The following AIRE variants were observed in gnomAD, a reference collection of about 807,000 sequenced individuals.
The protein encoded by AIRE is autoimmune regulator.
AIRE carries 52 observed loss-of-function variants against 62.1 expected under a neutral mutation model. The observed-to-expected ratio is 0.84, with a 90% CI of 0.67 to 1.06. The LOEUF (loss-of-function observed/expected upper bound fraction) is 1.06. AIRE is among the 50% of genes least tolerant of loss of function. The pLI is 0.00. For synonymous variants in AIRE, 342 were observed against 321.6 expected (o/e 1.06, Z -0.68); for missense variants, 774 against 755.8 (o/e 1.02, Z -0.28).
In AIRE at chr21:44,297,767, C is replaced by T. The variant is rs1373045148; in HGVS notation, c.*40C>T. On this transcript the variant is annotated 3_prime_UTR_variant, in exon 14 of 14. Coordinates refer to ENST00000291582, the MANE Select transcript of AIRE (RefSeq NM_000383.4). The surrounding 1 kb of genome is among the most constrained non-coding windows in gnomAD (Gnocchi z 4.8). ...GACATGCAGCTCTGATGAGAGAGTGCTGAGAAGGACACCTCCTTCCTCAGT... is the reference window on the plus strand; with the variant it reads ...GACATGCAGCTCTGATGAGAGAGTGTTGAGAAGGACACCTCCTTCCTCAGT... 2 of 1,565,956 alleles carry T rather than the reference C, an allele frequency of 1.3e-6. No individual in the cohort carries two copies. Among genetic ancestry groups the T allele is most frequent in the African/African-American group, 1.4e-5 (1 of 73,874 alleles).
chr21:44,298,042 G>T lies in AIRE; in HGVS notation c.*315G>T. 2.6e-6 allele frequency: 1 copy of T among 389,012 alleles called. No homozygotes were observed. The highest frequency in any genetic ancestry group is 2.3e-5 in the South Asian group (1 of 43,126). 24.1% of individuals were successfully genotyped at this position (389,012 alleles called of 1,614,324 possible). The stretch of plus-strand genomic sequence containing the variant: ...AGCTACATGGGAGCCTGAGGCATGA[G>T]AATCACTTGAACTCGGGAGGTGGAG... On this transcript the variant is annotated 3_prime_UTR_variant, in exon 14 of 14. Coordinates refer to ENST00000291582, the MANE Select transcript of AIRE (RefSeq NM_000383.4).
At position 44,289,990 on chromosome 21, in the gene AIRE, T is replaced by C. The variant is rs764002506; in HGVS notation, c.801T>C (p.Gly267=). The change falls in exon 7 of 14, where the codon GGT becomes GGC. Residue 267 remains glycine, a splice_region_variant and synonymous_variant. Transcript: ENST00000291582. The part of the protein sequence containing the change: ...RAKGAQGAAP[G]GGEARLGQQG... Reference sequence around the variant, plus strand: ...GCTGACGCCCCTCTTCCTTGCAGGGTGGAGGTGAGGCTAGGCTGGGCCAGC... The same window carrying C: ...GCTGACGCCCCTCTTCCTTGCAGGGCGGAGGTGAGGCTAGGCTGGGCCAGC... 1 of 1,610,414 alleles carries C rather than the reference T, an allele frequency of 6.2e-7. No homozygotes were observed. Among genetic ancestry groups the C allele is most frequent in the Non-Finnish European group, 8.5e-7 (1 of 1,179,036 alleles).
rs896637812 is a variant in AIRE at position 44,296,554 on chromosome 21, A to G, written c.1566+109A>G. The stretch of plus-strand genomic sequence containing the variant: ...GGACTGCCGGCCCCCACTGCTCTTG[A>G]GCCGTGGAAACTCAGGCTGTCCCTG... On this transcript the variant is annotated intron_variant, in intron 13 of 13. Coordinates refer to ENST00000291582, the MANE Select transcript of AIRE (RefSeq NM_000383.4). 6 of 1,097,566 alleles carry G rather than the reference A, an allele frequency of 5.5e-6. No individual in the cohort carries two copies. The Admixed American group carries it at 1.1e-4, about 20-fold the overall frequency. 68.0% of individuals were successfully genotyped at this position (1,097,566 alleles called of 1,614,324 possible).
At chr21:44,290,942 A>G (rs934466755) in intron 7 of AIRE, 153 bp from the exon 8 acceptor site, 1 of 1,612,028 alleles carries the variant, frequency 6.2e-7, no homozygotes, top group Non-Finnish European at 8.5e-7. Context: ...TCAGGGCAGA[A>G]TTTCAGGCCC....
intron 5 of AIRE, 175 bp from the exon 6 acceptor site, chr21:44,289,482 G>A (rs1238032980): frequency 2.6e-6 from 2 of 780,288 alleles, no homozygotes; most frequent in East Asian, 2.7e-5. Flanking sequence ...ACACCCTGGT[G>A]TAGATCCAGG....
Position 44,293,993 on chromosome 21 carries a change from A to C in AIRE, c.1400+83A>C, listed in dbSNP as rs115787564. On this transcript the variant is annotated intron_variant, in intron 11 of 13. Transcript: ENST00000291582. ...CCCACACTCCCCACCCACATCATAC[A>C]GCCCACAACCACACCCCACCCACAC... 3,267 of 1,399,434 alleles carry C rather than the reference A, an allele frequency of 2.3e-3. 83 individuals are homozygous for C. The African/African-American group carries it at 0.055, about 23-fold the overall frequency. The allele number at this position is 1,399,434 out of a possible 1,614,324, so 86.7% of individuals were successfully genotyped here.
chr21:44,294,223 C>T, intron 11 of AIRE, 178 bp from the exon 12 acceptor site: 1 of 549,912 alleles, frequency 1.8e-6, no homozygotes, highest in South Asian at 2.0e-5. Context: ...CACCCTACAC[C>T]CAACCCAAAC....
At position 44,286,229 on chromosome 21, in the gene AIRE, A is replaced by T. The variant is rs539135744; in HGVS notation, c.132+91A>T. 614 of 1,338,984 alleles carry T rather than the reference A, an allele frequency of 4.6e-4. 4 individuals carry two copies. The African/African-American group carries it at 8.0e-3, about 17-fold the overall frequency. 82.9% of individuals were successfully genotyped at this position (1,338,984 alleles called of 1,614,324 possible). A position where few individuals can be genotyped will look rare whatever the true frequency, so the allele number is the denominator to read the frequency against. On this transcript the variant is annotated intron_variant, in intron 1 of 13. Transcript: ENST00000291582. This position sits in a 1 kb window ranked among gnomAD's most constrained non-coding sequence, Gnocchi z 6.0. ...TTCCAGGAGGACCCCGCCCCTCCAG[A>T]TCCCCAAGCCCCTCCAGCCTTCCCC...
rs920513420 is a variant in AIRE at position 44,298,313 on chromosome 21, T to C, written c.*586T>C. 1.2e-5 allele frequency: 2 copies of C among 173,652 alleles called. No individual in the cohort carries two copies. The highest frequency in any genetic ancestry group is 4.8e-5 in the African/African-American group (2 of 41,720). 10.8% of individuals were successfully genotyped at this position (173,652 alleles called of 1,614,324 possible). On this transcript the variant is annotated 3_prime_UTR_variant, in exon 14 of 14. Coordinates refer to ENST00000291582, the MANE Select transcript of AIRE (RefSeq NM_000383.4). ...CACTCCCCATTCCCCTCCCAACCCCTGGCACCCTCCACTCTACTTTCTGTC... is the reference window on the plus strand; with the variant it reads ...CACTCCCCATTCCCCTCCCAACCCCCGGCACCCTCCACTCTACTTTCTGTC...
At chr21:44,289,866 G>T in intron 6 of AIRE, 64 bp downstream of exon 6, 4 of 1,610,108 alleles carry the variant, frequency 2.5e-6, no homozygotes, top group Non-Finnish European at 3.4e-6. Flanking sequence ...GAACAGCGTT[G>T]CCTCTGGGGG....
At chr21:44,288,312 A>G (rs775701048) in intron 4 of AIRE, 33 bp from the exon 5 acceptor site, 1 of 1,499,326 alleles carries the variant, frequency 6.7e-7, no homozygotes, top group South Asian at 1.1e-5. Context: ...AGTCTTCCCC[A>G]CGGGTGACCC....
chr21:44,296,336 C>T (rs748154226), intron 12 of AIRE, 47 bp from the exon 13 acceptor site: 25 of 1,544,740 alleles, frequency 1.6e-5, no homozygotes, highest in South Asian at 1.3e-4. Flanking sequence ...GTACCCCCAC[C>T]AGGGCTGTGG....
rs1427275896 is a variant in AIRE at position 44,297,878 on chromosome 21, G to T, written c.*151G>T. 6.7e-6 allele frequency: 5 copies of T among 743,938 alleles called. No individual in the cohort carries two copies. In the East Asian group the frequency reaches 1.4e-4, roughly 20 times the overall value. The allele number at this position is 743,938 out of a possible 1,614,324, so 46.1% of individuals were successfully genotyped here. A position where few individuals can be genotyped will look rare whatever the true frequency, so the allele number is the denominator to read the frequency against. On this transcript the variant is annotated 3_prime_UTR_variant, in exon 14 of 14. Transcript: ENST00000291582. The surrounding 1 kb of genome is among the most constrained non-coding windows in gnomAD (Gnocchi z 4.8). ...CTGTAAACAGCTCTGTGTTTCTGGGGACACCAGCCATCATGTGCCTGGAAA... is the reference window on the plus strand; with the variant it reads ...CTGTAAACAGCTCTGTGTTTCTGGGTACACCAGCCATCATGTGCCTGGAAA...
At chr21:44,289,958 C>T in intron 6 of AIRE, 30 bp from the exon 7 acceptor site, 1 of 1,606,416 alleles carries the variant, frequency 6.2e-7, no homozygotes, top group African/African-American at 1.3e-5. Flanking sequence ...CTGAGGCTGC[C>T]CCCATTGCTG....
intron 5 of AIRE, chr21:44,288,801 C>T (rs555941224): frequency 3.0e-5 from 8 of 270,868 alleles, no homozygotes; most frequent in East Asian, 2.3e-4. Flanking sequence ...TCCAGGGTAT[C>T]GGCATTCTTC....
chr21:44,288,591 C>T, intron 5 of AIRE, 133 bp downstream of exon 5: 1 of 675,156 alleles, frequency 1.5e-6, no homozygotes, highest in Admixed American at 2.7e-5. Context: ...GAGTTTCTGC[C>T]TGTGGTTCTG....
At chr21:44,296,913 T>A (rs2040615711) in intron 13 of AIRE, among the ~76,000 whole-genome samples, 1 of 151,822 alleles carries the variant, frequency 6.6e-6, no homozygotes, top group South Asian at 2.1e-4. Flanking sequence ...GCAGGTAGAA[T>A]CTGTGGGGAA....
chr21:44,291,251 T>C lies in AIRE; in HGVS notation c.995+41T>C, dbSNP rs776013167. 1.9e-5 allele frequency: 30 copies of C among 1,592,868 alleles called. No homozygotes were observed. In the African/African-American group the frequency reaches 4.0e-4, roughly 21 times the overall value. ...TGCCAGCGCAACCAGGCCACCCCGG[T>C]TCACGGCCGCCTCCACCCACTGACC... On this transcript the variant is annotated intron_variant, in intron 8 of 13. Transcript: ENST00000291582.
chr21:44,292,223 G>A, intron 8 of AIRE, 79 bp from the exon 9 acceptor site: 1 of 1,153,454 alleles, frequency 8.7e-7, no homozygotes, highest in South Asian at 1.3e-5. Context: ...TCGGAGCCCT[G>A]GAGCTCCACC....
Sources: allele counts gnomAD v4.1 joint callset (sites outside exome capture counted in the v4.1 genomes callset), GRCh38; gene constraint gnomAD v4.1.1; non-coding constraint Gnocchi (gnomAD v3.1); transcripts MANE v1.5; gene names NCBI Gene and HGNC (gene_info 2026-07-23, HGNC 2026-07-21).